The following NWD2 variants were observed in gnomAD, a reference collection of about 807,000 sequenced individuals.
The protein encoded by NWD2 is NACHT and WD repeat domain containing 2, also known as NACHT and WD repeat domain-containing protein 2.
NWD2 carries 37 observed loss-of-function variants against 132.7 expected under a neutral mutation model. The ratio of observed to expected loss-of-function variants is 0.28; its 90% CI spans 0.21 to 0.37. The LOEUF (loss-of-function observed/expected upper bound fraction) is 0.37. NWD2 is among the 10% of genes least tolerant of loss of function. The probability of loss-of-function intolerance (pLI) is 1.00; values close to 1 mark genes in which losing one functional copy is unlikely to be tolerated. For missense variants in NWD2, 1,592 were observed against 2,122.4 expected (o/e 0.75, Z 4.91); for synonymous variants, 705 against 803.0 (o/e 0.88, Z 2.06).
At chr4:37,277,408 A>G (rs62301431) in intron 1 of NWD2, among the ~76,000 whole-genome samples, 25 of 151,882 alleles carry the variant, frequency 1.6e-4, no homozygotes, top group African/African-American at 5.5e-4. Context: ...ATAGTTTGCT[A>G]TGTTTGATGT....
At chr4:37,299,032 G>A (rs1718560529) in intron 1 of NWD2, among the ~76,000 whole-genome samples, 1 of 152,066 alleles carries the variant, frequency 6.6e-6, no homozygotes, top group Non-Finnish European at 1.5e-5. Context: ...ATCTTACAGA[G>A]TCTCTTTCCT....
At chr4:37,270,559 A>G (rs1039121378) in intron 1 of NWD2, among the ~76,000 whole-genome samples, 6 of 151,664 alleles carry the variant, frequency 4.0e-5, no homozygotes, top group Non-Finnish European at 7.4e-5. Flanking sequence ...AGCACCTTCA[A>G]CTGAAACATC....
chr4:37,379,560 T>G (rs1720412316), intron 3 of NWD2, among the ~76,000 whole-genome samples: 1 of 152,148 alleles, frequency 6.6e-6, no homozygotes. Context: ...GGTATTCAGA[T>G]TTTATAATGC....
At chr4:37,325,901 T>C in intron 1 of NWD2, 35 bp from the exon 2 acceptor site, 2 of 1,276,136 alleles carry the variant, frequency 1.6e-6, no homozygotes, top group South Asian at 2.7e-5. Flanking sequence ...TGTGTGGACA[T>C]ACTCACTTCC....
At chr4:37,264,662 T>G (rs1395639929) in intron 1 of NWD2, among the ~76,000 whole-genome samples, 3 of 152,138 alleles carry the variant, frequency 2.0e-5, no homozygotes, top group Non-Finnish European at 4.4e-5. Context: ...AGTTCAAAAG[T>G]AAAATGTAAA....
At chr4:37,321,326 T>C (rs1719063551) in intron 1 of NWD2, among the ~76,000 whole-genome samples, 1 of 152,170 alleles carries the variant, frequency 6.6e-6, no homozygotes, top group Non-Finnish European at 1.5e-5. Flanking sequence ...ATTATAAGGA[T>C]AATGGTATTG....
intron 1 of NWD2, among the ~76,000 whole-genome samples, chr4:37,251,228 G>A (rs1357264638): frequency 2.6e-5 from 4 of 152,158 alleles, no homozygotes; most frequent in Non-Finnish European, 1.5e-5. Context: ...GCAGTGAGCT[G>A]AGATCACACC....
intron 1 of NWD2, among the ~76,000 whole-genome samples, chr4:37,313,811 G>T (rs1718902227): frequency 6.6e-6 from 1 of 150,966 alleles, no homozygotes; most frequent in Admixed American, 6.6e-5. Context: ...TGATTCTGCT[G>T]CCTCAGCCTC....
intron 1 of NWD2, among the ~76,000 whole-genome samples, chr4:37,296,311 A>G (rs1718487625): frequency 6.6e-6 from 1 of 152,202 alleles, no homozygotes; most frequent in Admixed American, 6.5e-5. Context: ...AACAATATGT[A>G]TTAAATAAGG....
At chr4:37,423,043 G>A (rs1295875146) in intron 3 of NWD2, among the ~76,000 whole-genome samples, 2 of 151,520 alleles carry the variant, frequency 1.3e-5, no homozygotes, top group African/African-American at 4.9e-5. Flanking sequence ...TCAACCATCA[G>A]AACCATCATG....
Position 37,287,266 on chromosome 4 carries a change from G to C in NWD2, c.152-38670G>C, listed in dbSNP as rs947958678. Reference sequence around the variant, plus strand: ...TCTCAGCTGGAATCTGCCTAAGCCTGCAGAGCTCCCAGGGAAAGGGGCAAC... The same window carrying C: ...TCTCAGCTGGAATCTGCCTAAGCCTCCAGAGCTCCCAGGGAAAGGGGCAAC... On this transcript the variant is annotated intron_variant, in intron 1 of 6. Coordinates refer to ENST00000309447, the MANE Select transcript of NWD2 (RefSeq NM_001144990.2). Among the ~76,000 whole-genome samples, 6 of 152,332 alleles carry C rather than the reference G, an allele frequency of 3.9e-5. No homozygotes were observed. In the South Asian group the frequency reaches 1.2e-3, roughly 32 times the overall value.
At position 37,446,592 on chromosome 4, in the gene NWD2, A is replaced by G. The variant is rs577535323; in HGVS notation, c.4604A>G (p.Asn1535Ser). The G allele has an allele frequency of 1.6e-5, 25 of 1,551,710 alleles. No homozygotes were observed. In the African/African-American group the frequency reaches 1.9e-4, roughly 12 times the overall value. Residue 1535 changes from asparagine to serine, a missense_variant, in exon 7 of 7, where the codon AAT (asparagine) becomes AGT (serine). Coordinates refer to ENST00000309447, the MANE Select transcript of NWD2 (RefSeq NM_001144990.2). The surrounding 1 kb of genome is among the most constrained non-coding windows in gnomAD (Gnocchi z 6.7). ...KNLEDFEISP[N>S]GKLGIIARGD... ...CTGGAGGACTTTGAAATTTCTCCCAATGGAAAGCTAGGCATTATAGCCAGG... is the reference window on the plus strand; with the variant it reads ...CTGGAGGACTTTGAAATTTCTCCCAGTGGAAAGCTAGGCATTATAGCCAGG...
intron 1 of NWD2, among the ~76,000 whole-genome samples, chr4:37,307,308 C>T (rs1718729791): frequency 6.6e-6 from 1 of 152,118 alleles, no homozygotes; most frequent in Non-Finnish European, 1.5e-5. Flanking sequence ...TATTTCTTGT[C>T]GTGTAGGTCT....
At chr4:37,360,568 C>T (rs1244847626) in intron 3 of NWD2, among the ~76,000 whole-genome samples, 1 of 152,190 alleles carries the variant, frequency 6.6e-6, no homozygotes, top group Admixed American at 6.6e-5. Context: ...CAGCCCCTAG[C>T]AGGGAGACAA....
intron 2 of NWD2, among the ~76,000 whole-genome samples, chr4:37,329,783 T>C (rs1719254043): frequency 5.9e-5 from 9 of 152,026 alleles, no homozygotes; most frequent in Admixed American, 5.9e-4. Flanking sequence ...TTAAGAGGTT[T>C]GCTCAGGTTC....
chr4:37,364,714 ACACACACACACT>A (rs1720060889), intron 3 of NWD2, among the ~76,000 whole-genome samples: 1 of 151,734 alleles, frequency 6.6e-6, no homozygotes, highest in African/African-American at 2.4e-5. Context: ...ACACACACAC[ACACACACACACT>A]GCCATCAGTG....
At chr4:37,366,716 A>T (rs1212159592) in intron 3 of NWD2, among the ~76,000 whole-genome samples, 1 of 152,136 alleles carries the variant, frequency 6.6e-6, no homozygotes, top group Non-Finnish European at 1.5e-5. Flanking sequence ...TTACATCAAT[A>T]TCATATAGTA....
At chr4:37,329,492 G>T (rs1412269415) in intron 2 of NWD2, among the ~76,000 whole-genome samples, 1 of 152,158 alleles carries the variant, frequency 6.6e-6, no homozygotes, top group African/African-American at 2.4e-5. Flanking sequence ...GTCTGGAGTT[G>T]TGGGGAGGAA....
intron 3 of NWD2, among the ~76,000 whole-genome samples, chr4:37,401,362 A>T (rs1304393733): frequency 6.6e-6 from 1 of 152,100 alleles, no homozygotes; most frequent in African/African-American, 2.4e-5. Context: ...TACCACCTTG[A>T]TCTTCACTGC....
Sources: gnomAD v4.1 joint callset for allele counts (sites outside exome capture counted in the v4.1 genomes callset) on GRCh38, gnomAD v4.1.1 for gene constraint, Gnocchi (gnomAD v3.1) non-coding constraint, MANE v1.5 for transcripts, NCBI Gene and HGNC (gene_info 2026-07-23, HGNC 2026-07-21) for gene names.